ELOVL6: variants seen among roughly 807,000 people sequenced by gnomAD.
The protein encoded by ELOVL6 is very long chain fatty acid elongase 6.
ELOVL6 carries 8 observed loss-of-function variants against 31.7 expected under a neutral mutation model. The ratio of observed to expected loss-of-function variants is 0.25; its 90% CI spans 0.15 to 0.45. The LOEUF is 0.45. ELOVL6 is among the 20% of genes least tolerant of loss of function. The pLI is 1.00. For synonymous variants in ELOVL6, 101 were observed against 117.7 expected, an observed-to-expected ratio of 0.86 and a Z score of 0.92; for missense variants, 126 against 326.4, an observed-to-expected ratio of 0.39 and a Z score of 4.73.
chr4:110,094,438 T>TATATATATATATATATATAA lies in ELOVL6; in HGVS notation c.221+11058_221+11059insTTATATATATATATATATAT, dbSNP rs1383825931. ...ATATATATATATATATATATATATA[T>TATATATATATATATATATAA]ATATAATATATATAACATAATATAT... On this transcript the variant is annotated intron_variant, in intron 2 of 3. Coordinates refer to ENST00000302274, the MANE Select transcript of ELOVL6 (RefSeq NM_024090.3). Among the ~76,000 whole-genome samples the TATATATATATATATATATAA allele has an allele frequency of 8.3e-4, 46 of 55,298 alleles. 1 individual carries two copies. The highest frequency in any genetic ancestry group is 1.1e-3 in the Non-Finnish European group (36 of 31,486). 36.3% of individuals were successfully genotyped at this position (55,298 alleles called of 152,430 possible). A position where few individuals can be genotyped will look rare whatever the true frequency, so the allele number is the denominator to read the frequency against.
intron 1 of ELOVL6, among the ~76,000 whole-genome samples, chr4:110,156,089 T>C (rs1220652168): frequency 1.3e-5 from 2 of 152,116 alleles, no homozygotes; most frequent in African/African-American, 2.4e-5. Flanking sequence ...AATAAAGGAA[T>C]AGAAAATAAG....
chr4:110,085,065 T>G (rs544410986), intron 2 of ELOVL6, among the ~76,000 whole-genome samples: 2 of 152,242 alleles, frequency 1.3e-5, no homozygotes, highest in Admixed American at 1.3e-4. Context: ...GCTAAGAACA[T>G]TTTTATAAAA....
At chr4:110,138,472 T>A (rs958367137) in intron 1 of ELOVL6, among the ~76,000 whole-genome samples, 1 of 152,074 alleles carries the variant, frequency 6.6e-6, no homozygotes, top group African/African-American at 2.4e-5. Context: ...CACACTACGA[T>A]GTGTTTTGAA....
At chr4:110,104,139 A>C (rs1756823990) in intron 2 of ELOVL6, among the ~76,000 whole-genome samples, 1 of 152,230 alleles carries the variant, frequency 6.6e-6, no homozygotes, top group Admixed American at 6.5e-5. Flanking sequence ...TAAAATAACA[A>C]AAGATAAAGG....
intron 1 of ELOVL6, among the ~76,000 whole-genome samples, chr4:110,182,402 G>A (rs1759314177): frequency 6.6e-6 from 1 of 152,084 alleles, no homozygotes; most frequent in Non-Finnish European, 1.5e-5. Flanking sequence ...ATGTTTAATT[G>A]TATTGCTAAT....
At chr4:110,073,883 A>G (rs906495192) in intron 2 of ELOVL6, among the ~76,000 whole-genome samples, 5 of 152,180 alleles carry the variant, frequency 3.3e-5, no homozygotes, top group Non-Finnish European at 7.3e-5. Flanking sequence ...TTCTTGTTCT[A>G]TTCTTTTCCC....
chr4:110,175,194 C>A (rs1319456427), intron 1 of ELOVL6, among the ~76,000 whole-genome samples: 1 of 151,962 alleles, frequency 6.6e-6, no homozygotes, highest in East Asian at 1.9e-4. Flanking sequence ...GACCAGCCAG[C>A]CAACACGGCG....
chr4:110,065,985 A>C (rs1755288144), intron 2 of ELOVL6, among the ~76,000 whole-genome samples: 1 of 152,130 alleles, frequency 6.6e-6, no homozygotes, highest in South Asian at 2.1e-4. Context: ...ACCACCAACC[A>C]ATCTCCACCC....
At chr4:110,072,112 C>G (rs1415812195) in intron 2 of ELOVL6, among the ~76,000 whole-genome samples, 1 of 152,142 alleles carries the variant, frequency 6.6e-6, no homozygotes, top group African/African-American at 2.4e-5. Flanking sequence ...CACCTAACTC[C>G]TAGCAGCTGA....
At chr4:110,063,488 T>C (rs114169620) in intron 2 of ELOVL6, among the ~76,000 whole-genome samples, 1 of 151,570 alleles carries the variant, frequency 6.6e-6, no homozygotes, top group African/African-American at 2.4e-5. Context: ...CCACAAAAGG[T>C]AACCATGCAC....
chr4:110,195,274 C>A (rs531494721), intron 1 of ELOVL6, among the ~76,000 whole-genome samples: 1 of 152,068 alleles, frequency 6.6e-6, no homozygotes, highest in South Asian at 2.1e-4. Context: ...CCCGCCACCA[C>A]GCTCGGCTAA....
chr4:110,165,121 T>C (rs902288581), intron 1 of ELOVL6, among the ~76,000 whole-genome samples: 14 of 152,272 alleles, frequency 9.2e-5, no homozygotes, highest in Admixed American at 5.2e-4. Flanking sequence ...ATCTCTATTC[T>C]TCAAAAAGAG....
At chr4:110,179,973 G>GA (rs1453689162) in intron 1 of ELOVL6, among the ~76,000 whole-genome samples, 1 of 152,206 alleles carries the variant, frequency 6.6e-6, no homozygotes, top group Non-Finnish European at 1.5e-5. Context: ...CATTGCTGGG[G>GA]AAAAAGGAGT....
rs145473777 is a variant in ELOVL6, at chr4:110,069,457, A to T, written c.222-9703T>A. Among the ~76,000 whole-genome samples the T allele has an allele frequency of 4.2e-3, 641 of 152,244 alleles. 4 individuals carry two copies. Among genetic ancestry groups the T allele is most frequent in the African/African-American group, 0.015 (617 of 41,550 alleles). On this transcript the variant is annotated intron_variant, in intron 2 of 3. Transcript: ENST00000302274. Reference sequence around the variant, plus strand: ...CCAGACTAAACAATGCAAGGCTTCAATGCTGGCTGACCAGTACTTGACTCT... The same window carrying T: ...CCAGACTAAACAATGCAAGGCTTCATTGCTGGCTGACCAGTACTTGACTCT...
intron 2 of ELOVL6, among the ~76,000 whole-genome samples, chr4:110,100,366 T>C (rs1756706965): frequency 6.6e-6 from 1 of 152,210 alleles, no homozygotes. Flanking sequence ...GACTTCTGTC[T>C]CCATGAAGGC....
At chr4:110,161,647 T>C (rs905587442) in intron 1 of ELOVL6, among the ~76,000 whole-genome samples, 1 of 152,200 alleles carries the variant, frequency 6.6e-6, no homozygotes, top group African/African-American at 2.4e-5. Flanking sequence ...TGCTATCTCA[T>C]GTTCCTAAGA....
At chr4:110,083,448 C>A (rs556894759) in intron 2 of ELOVL6, among the ~76,000 whole-genome samples, 32 of 151,674 alleles carry the variant, frequency 2.1e-4, no homozygotes, top group African/African-American at 7.6e-4. Flanking sequence ...TTGGTACGAG[C>A]CCAGAGGCTG....
intron 1 of ELOVL6, among the ~76,000 whole-genome samples, chr4:110,120,553 C>T (rs1046102140): frequency 2.0e-5 from 3 of 152,046 alleles, no homozygotes; most frequent in African/African-American, 7.2e-5. Context: ...ACAGTTGGGT[C>T]CTGACTTCAA....
chr4:110,112,001 T>C (rs1415536408), intron 1 of ELOVL6, among the ~76,000 whole-genome samples: 1 of 152,194 alleles, frequency 6.6e-6, no homozygotes, highest in Non-Finnish European at 1.5e-5. Context: ...CTTTTCTTCT[T>C]TTTCTTCTTA....
Sources: gnomAD v4.1 joint callset for allele counts (sites outside exome capture counted in the v4.1 genomes callset) on GRCh38, gnomAD v4.1.1 for gene constraint, MANE v1.5 for transcripts, NCBI Gene and HGNC (gene_info 2026-07-23, HGNC 2026-07-21) for gene names.